The following STPG2 variants were observed in gnomAD, a reference collection of about 807,000 sequenced individuals.
The protein encoded by STPG2 is sperm tail PG-rich repeat containing 2, also known as sperm-tail PG-rich repeat-containing protein 2.
A neutral mutation model predicts 54.2 loss-of-function variants in STPG2; 56 were observed. The observed-to-expected ratio is 1.03, with a 90% CI of 0.83 to 1.29. The LOEUF (loss-of-function observed/expected upper bound fraction) is 1.29, where lower values mean the gene tolerates loss of function less well. Among genes scored for constraint, STPG2 ranks in the 50% most tolerant of loss-of-function variants. STPG2 has a pLI of 0.00. For missense variants in STPG2, 596 were observed against 544.9 expected, an observed-to-expected ratio of 1.09 and a Z score of -0.93; for synonymous variants, 200 against 181.8, an observed-to-expected ratio of 1.10 and a Z score of -0.81.
chr4:97,956,536 C>G (rs1365521500), intron 7 of STPG2, among the ~76,000 whole-genome samples: 1 of 152,106 alleles, frequency 6.6e-6, no homozygotes, highest in African/African-American at 2.4e-5. Flanking sequence ...AGAGAACACA[C>G]AGACCCACTG....
chr4:97,946,666 A>G (rs942613913), intron 7 of STPG2, among the ~76,000 whole-genome samples: 11 of 152,022 alleles, frequency 7.2e-5, no homozygotes, highest in African/African-American at 2.7e-4. Context: ...TCCCCAATTT[A>G]TGCTGTTCTA....
intron 8 of STPG2, among the ~76,000 whole-genome samples, chr4:97,896,828 A>G (rs1730972676): frequency 6.6e-6 from 1 of 151,872 alleles, no homozygotes. Flanking sequence ...AATGAAAGAA[A>G]AATTCACTAA....
intron 10 of STPG2, among the ~76,000 whole-genome samples, chr4:97,665,589 AC>A (rs1351668642): frequency 1.3e-5 from 2 of 152,146 alleles, no homozygotes; most frequent in Non-Finnish European, 2.9e-5. Context: ...CAGAAAAAGT[AC>A]TATAAGTTCC....
At chr4:97,938,188 CT>C (rs560636664) in intron 8 of STPG2, among the ~76,000 whole-genome samples, 269 of 152,308 alleles carry the variant, frequency 1.8e-3, no homozygotes, top group African/African-American at 6.4e-3. Context: ...AGCTGGTATG[CT>C]GCGCTGTGGG....
intron 10 of STPG2, among the ~76,000 whole-genome samples, chr4:97,571,212 G>A (rs543602951): frequency 6.6e-6 from 1 of 152,028 alleles, no homozygotes; most frequent in East Asian, 1.9e-4. Flanking sequence ...AATTAGTCTT[G>A]TTACTGTAAA....
At chr4:97,566,471 C>G (rs1041058124) in intron 10 of STPG2, among the ~76,000 whole-genome samples, 16 of 152,186 alleles carry the variant, frequency 1.1e-4, no homozygotes, top group African/African-American at 3.9e-4. Flanking sequence ...CTGGCACTCC[C>G]TAGTGAGACG....
intron 9 of STPG2, among the ~76,000 whole-genome samples, chr4:97,721,399 T>C (rs1020848751): frequency 6.6e-5 from 10 of 152,096 alleles, no homozygotes; most frequent in African/African-American, 2.4e-4. Context: ...GGTTATTCAC[T>C]TACAGTGCAA....
intron 9 of STPG2, among the ~76,000 whole-genome samples, chr4:97,789,289 A>C (rs915196380): frequency 1.5e-4 from 23 of 152,162 alleles, no homozygotes; most frequent in African/African-American, 5.1e-4. Context: ...AAACTAAAAT[A>C]CTCATATATC....
At chr4:97,783,824 C>CA (rs1352232750) in intron 9 of STPG2, among the ~76,000 whole-genome samples, 2 of 151,406 alleles carry the variant, frequency 1.3e-5, no homozygotes, top group Admixed American at 6.6e-5. Flanking sequence ...ATCACAAGGA[C>CA]AAAAAACCAA....
intron 8 of STPG2, among the ~76,000 whole-genome samples, chr4:97,843,811 A>T (rs1317104702): frequency 6.6e-6 from 1 of 151,884 alleles, no homozygotes; most frequent in Non-Finnish European, 1.5e-5. Context: ...CTGTCAAGTC[A>T]AAGTCTCTAT....
chr4:97,701,837 C>G (rs1284030440), intron 10 of STPG2, among the ~76,000 whole-genome samples: 1 of 152,176 alleles, frequency 6.6e-6, no homozygotes, highest in Non-Finnish European at 1.5e-5. Context: ...TAGCTACGAC[C>G]ACTTTGCCTT....
At chr4:98,023,266 G>A (rs1348944972) in intron 5 of STPG2, among the ~76,000 whole-genome samples, 3 of 152,206 alleles carry the variant, frequency 2.0e-5, no homozygotes, top group Non-Finnish European at 4.4e-5. Context: ...GTCTGTTGGA[G>A]TTTGCTGGAG....
intron 4 of STPG2, among the ~76,000 whole-genome samples, chr4:97,467,720 G>A (rs150845863): frequency 2.2e-4 from 33 of 151,976 alleles, no homozygotes; most frequent in Non-Finnish European, 2.9e-4. Context: ...GGAGATAAAC[G>A]CAAACACAGA....
At chr4:97,809,012 C>G (rs1241593358) in intron 9 of STPG2, among the ~76,000 whole-genome samples, 1 of 152,018 alleles carries the variant, frequency 6.6e-6, no homozygotes, top group Non-Finnish European at 1.5e-5. Context: ...CAAAATACTT[C>G]TCTCAGTAAC....
At chr4:97,525,293 T>G (rs1211886262) in intron 4 of STPG2, among the ~76,000 whole-genome samples, 2 of 151,820 alleles carry the variant, frequency 1.3e-5, no homozygotes, top group Non-Finnish European at 2.9e-5. Flanking sequence ...AAAAGAAAAT[T>G]TATGGGGCAG....
intron 5 of STPG2, among the ~76,000 whole-genome samples, chr4:97,993,841 C>T (rs1391840110): frequency 6.6e-6 from 1 of 152,050 alleles, no homozygotes; most frequent in African/African-American, 2.4e-5. Flanking sequence ...GGAATTTATC[C>T]ATCTCCTCTA....
Position 97,871,403 on chromosome 4 carries a change from AT to A in STPG2, c.1045-30472del, listed in dbSNP as rs977678909. Among the ~76,000 whole-genome samples the A allele has an allele frequency of 9.4e-3, 1,409 of 150,358 alleles. 17 individuals are homozygous for A. The highest frequency in any genetic ancestry group is 0.029 in the African/African-American group (1,188 of 41,290). Reference sequence around the variant, plus strand: ...AATAATCACACCAGTAGCTAATCTAATTTTTTTTTAAAAAGGGGGGGAATCA... The same window carrying A: ...AATAATCACACCAGTAGCTAATCTAATTTTTTTTAAAAAGGGGGGGAATCA... On this transcript the variant is annotated intron_variant, in intron 8 of 10. Coordinates refer to ENST00000295268, the MANE Select transcript of STPG2 (RefSeq NM_174952.3).
chr4:98,066,636 C>T (rs1217971031), intron 5 of STPG2, among the ~76,000 whole-genome samples: 3 of 151,926 alleles, frequency 2.0e-5, no homozygotes, highest in African/African-American at 7.3e-5. Context: ...TTCCCTTACC[C>T]ATATCTAACA....
intron 5 of STPG2, among the ~76,000 whole-genome samples, chr4:98,022,060 A>T (rs944145787): frequency 1.7e-4 from 26 of 151,928 alleles, no homozygotes; most frequent in African/African-American, 6.3e-4. Context: ...TCCTGTCATT[A>T]TGATGTTAGC....
Sources: gnomAD v4.1 joint callset for allele counts (sites outside exome capture counted in the v4.1 genomes callset) on GRCh38, gnomAD v4.1.1 for gene constraint, MANE v1.5 for transcripts, NCBI Gene and HGNC (gene_info 2026-07-23, HGNC 2026-07-21) for gene names.